Variants in ADSL observed in about 807,000 individuals in gnomAD.
The protein encoded by ADSL is adenylosuccinate lyase, also known as adenylosuccinase.
Under a neutral mutation model 62.1 loss-of-function variants are expected in ADSL, and 44 were observed. That is an observed-to-expected ratio of 0.71 (90% confidence interval 0.56 to 0.91). The LOEUF is 0.91. ADSL is among the 40% of genes least tolerant of loss of function. The pLI, the probability that ADSL is intolerant of heterozygous loss-of-function variation, is 0.00. For missense variants in ADSL, 531 were observed against 627.4 expected, an observed-to-expected ratio of 0.85 and a Z score of 1.64; for synonymous variants, 198 against 220.5, an observed-to-expected ratio of 0.90 and a Z score of 0.90.
rs367719924 is a variant in ADSL, at chr22:40,361,280, C to A, written c.800C>A (p.Thr267Asn). The A allele has an allele frequency of 6.2e-7, 1 of 1,614,028 alleles. No homozygotes were observed. The highest frequency in any genetic ancestry group is 1.3e-5 in the African/African-American group (1 of 74,914). ...SLGASVHKIC[T>N]DIRLLANLKE... The stretch of plus-strand genomic sequence containing the variant: ...TTCCCCTACCTCCCCCAGATTTGCA[C>A]CGACATACGCCTCCTGGCAAACCTC... The change falls in exon 8 of 13, where the codon ACC (threonine) becomes AAC (asparagine). Residue 267 changes from threonine to asparagine, a missense_variant. Thr to Asn is a moderately conservative substitution (Grantham distance 65). Transcript: ENST00000623063.
At chr22:40,370,303 C>G (rs1047569472), downstream of ADSL, among the ~76,000 whole-genome samples, 1 of 148,702 alleles carries the variant, frequency 6.7e-6, no homozygotes, top group Non-Finnish European at 1.5e-5. Flanking sequence ...TGCAGTGAGC[C>G]GAGATCACGC....
At chr22:40,380,468 G>A (rs1226598693) in intron 2 of ADSL, among the ~76,000 whole-genome samples, 2 of 150,890 alleles carry the variant, frequency 1.3e-5, no homozygotes, top group Non-Finnish European at 2.9e-5. Flanking sequence ...CCGGGTTCAA[G>A]CAATTCTCCC....
Position 40,361,579 on chromosome 22 carries a change from G to A in ADSL, c.954G>A (p.Pro318=), listed in dbSNP as rs774891125. The A allele has an allele frequency of 2.7e-5, 44 of 1,614,028 alleles. No individual in the cohort carries two copies. The highest frequency in any genetic ancestry group is 3.2e-5 in the Non-Finnish European group (38 of 1,180,044). The change falls in exon 9 of 13, where the codon CCG becomes CCA. Residue 318 remains proline (P), a synonymous_variant. Coordinates refer to ENST00000623063, the MANE Select transcript of ADSL (RefSeq NM_000026.4). ...ACCTGATGACCCTTGTCATGGACCCGCTACAGACAGCATCTGTCCAGTGGT... is the reference window on the plus strand; with the variant it reads ...ACCTGATGACCCTTGTCATGGACCCACTACAGACAGCATCTGTCCAGTGGT... ...ARHLMTLVMD[P]LQTASVQWFE...
At chr22:40,350,108 C>T in intron 2 of ADSL, 73 bp downstream of exon 2, 2 of 1,441,718 alleles carry the variant, frequency 1.4e-6, no homozygotes, top group Non-Finnish European at 1.9e-6. Flanking sequence ...TGATGTTGTC[C>T]AGTTGAGGAA....
Position 40,349,876 on chromosome 22 carries a change from A to G in ADSL, c.198A>G (p.Lys66=), listed in dbSNP as rs752349207. 6.2e-7 allele frequency: 1 copy of G among 1,614,180 alleles called. No homozygotes were observed. Among genetic ancestry groups the G allele is most frequent in the South Asian group, 1.1e-5 (1 of 91,086 alleles). The change falls in exon 2 of 13, where the codon AAA becomes AAG. Residue 66 remains lysine, a synonymous_variant. Transcript: ENST00000623063. ...CAGATGAACAAATCCAGGAGATGAA[A>G]TCAAACCTGGAGAACATCGACTTCA... ...PITDEQIQEM[K]SNLENIDFKM... is the part of the protein sequence containing the mutation.
rs1435059634 is a variant in ADSL at position 40,348,410 on chromosome 22, G to T, written c.154-1422G>T. On this transcript the variant is annotated intron_variant, in intron 1 of 12. Transcript: ENST00000623063. ...TTATATATTTAGGTTTTGAGACTGG[G>T]TCTGGCTCTGTCGCCTAGGCTGGAG... 4 of 398,284 alleles carry T rather than the reference G, an allele frequency of 1.0e-5. No individual in the cohort carries two copies. In the South Asian group the frequency reaches 5.3e-4, roughly 53 times the overall value. The allele number at this position is 398,284 out of a possible 1,614,324, so 24.7% of individuals were successfully genotyped here. A position where few individuals can be genotyped will look rare whatever the true frequency, so the allele number is the denominator to read the frequency against.
At chr22:40,382,471 CG>C (rs1174310571) in intron 2 of ADSL, among the ~76,000 whole-genome samples, 1 of 151,974 alleles carries the variant, frequency 6.6e-6, no homozygotes, top group Non-Finnish European at 1.5e-5. Context: ...GACTGTTGGC[CG>C]GAGCACCTAT....
intron 2 of ADSL, among the ~76,000 whole-genome samples, chr22:40,382,207 G>C (rs1031216809): frequency 2.0e-5 from 3 of 152,098 alleles, no homozygotes; most frequent in Non-Finnish European, 4.4e-5. Context: ...ATTTAAAATG[G>C]CATTATGTTA....
chr22:40,351,729 A>G (rs565161658), intron 2 of ADSL, among the ~76,000 whole-genome samples: 1 of 151,966 alleles, frequency 6.6e-6, no homozygotes, highest in East Asian at 2.0e-4. Flanking sequence ...TTTTTTTGAG[A>G]CGGAGTCTCG....
At chr22:40,380,143 A>G (rs2047319026) in intron 2 of ADSL, among the ~76,000 whole-genome samples, 1 of 152,186 alleles carries the variant, frequency 6.6e-6, no homozygotes, top group Admixed American at 6.5e-5. Flanking sequence ...AGTATAAAGT[A>G]GTGAAGTGCT....
intron 2 of ADSL, among the ~76,000 whole-genome samples, chr22:40,378,011 C>T (rs1348407221): frequency 6.6e-6 from 1 of 152,170 alleles, no homozygotes; most frequent in Non-Finnish European, 1.5e-5. Context: ...TTTCTGCCCA[C>T]GTTAAAGCCT....
intron 7 of ADSL, 92 bp from the exon 8 acceptor site, chr22:40,361,181 G>A: frequency 1.6e-6 from 2 of 1,218,816 alleles, no homozygotes; most frequent in South Asian, 1.2e-5. Context: ...GCACACCTAA[G>A]AGCTCATCTC....
At chr22:40,371,982 G>A (rs932422996), downstream of ADSL, among the ~76,000 whole-genome samples, 5 of 152,248 alleles carry the variant, frequency 3.3e-5, no homozygotes, top group Middle Eastern at 3.4e-3. Flanking sequence ...TTACAGGCGT[G>A]AGCCACTGCG....
intron 2 of ADSL, among the ~76,000 whole-genome samples, chr22:40,381,961 A>T (rs2047648233): frequency 6.6e-6 from 1 of 152,192 alleles, no homozygotes; most frequent in East Asian, 1.9e-4. Flanking sequence ...CGCTGTCTCA[A>T]ATAATAATTC....
At chr22:40,362,708 G>T (rs892240282) in intron 9 of ADSL, among the ~76,000 whole-genome samples, 1 of 152,174 alleles carries the variant, frequency 6.6e-6, no homozygotes, top group Non-Finnish European at 1.5e-5. Flanking sequence ...TGAGTAGGAG[G>T]AATGAGAAAG....
In ADSL at chr22:40,362,975, T is replaced by C; in HGVS notation, c.1011-6T>C. Reference sequence around the variant, plus strand: ...AAGACATACTGAATGGCTATTTGTTTTCTAGACGGATCTGTTTGGCCGAGG... The same window carrying C: ...AAGACATACTGAATGGCTATTTGTTCTCTAGACGGATCTGTTTGGCCGAGG... On this transcript the variant is annotated splice_polypyrimidine_tract_variant and splice_region_variant and intron_variant, in intron 9 of 12. Coordinates refer to ENST00000623063, the MANE Select transcript of ADSL (RefSeq NM_000026.4). The C allele has an allele frequency of 6.2e-7, 1 of 1,612,058 alleles. No homozygotes were observed. Among genetic ancestry groups the C allele is most frequent in the Admixed American group, 1.7e-5 (1 of 60,032 alleles).
chr22:40,378,865 TAGA>T (rs2047086387), intron 2 of ADSL, among the ~76,000 whole-genome samples: 1 of 152,198 alleles, frequency 6.6e-6, no homozygotes, highest in Non-Finnish European at 1.5e-5. Flanking sequence ...GAGTTCTTTT[TAGA>T]AGATTTACCT....
At position 40,367,203 on chromosome 22, in the gene ADSL, C is replaced by G. The variant is rs2045032324; in HGVS notation, c.*681C>G. The G allele has an allele frequency of 6.6e-6, 1 of 152,342 alleles. No individual in the cohort carries two copies. Among genetic ancestry groups the G allele is most frequent in the Non-Finnish European group, 1.5e-5 (1 of 68,182 alleles). The allele number at this position is 152,342 out of a possible 1,614,324, so 9.4% of individuals were successfully genotyped here. Reference sequence around the variant, plus strand: ...CCAGACTAGAGTGCAGTAGCACAATCTTGGCTCACTGCAACCTCCGCCTCT... The same window carrying G: ...CCAGACTAGAGTGCAGTAGCACAATGTTGGCTCACTGCAACCTCCGCCTCT... On this transcript the variant is annotated 3_prime_UTR_variant, in exon 13 of 13. Coordinates refer to ENST00000623063, the MANE Select transcript of ADSL (RefSeq NM_000026.4).
chr22:40,364,069 T>A (rs1481136601), intron 10 of ADSL, among the ~76,000 whole-genome samples: 2 of 150,750 alleles, frequency 1.3e-5, no homozygotes, highest in African/African-American at 4.9e-5. Context: ...AGAGTGAGAC[T>A]CTGTCTCAAA....
Sources: allele counts gnomAD v4.1 joint callset (sites outside exome capture counted in the v4.1 genomes callset), GRCh38; gene constraint gnomAD v4.1.1; transcripts MANE v1.5; gene names NCBI Gene and HGNC (gene_info 2026-07-23, HGNC 2026-07-21).